The following RINT1 variants were observed in gnomAD, a reference collection of about 807,000 sequenced individuals.
The protein encoded by RINT1 is RAD50-interacting protein 1.
In RINT1, 75 loss-of-function variants were observed where a neutral mutation model predicts 97.7. That is an observed-to-expected ratio of 0.77 (90% CI 0.64 to 0.93). The LOEUF (loss-of-function observed/expected upper bound fraction) is 0.93. RINT1 is among the 40% of genes least tolerant of loss of function. The pLI is 0.00. For synonymous variants in RINT1, 303 were observed against 326.3 expected, an observed-to-expected ratio of 0.93 and a Z score of 0.77; for missense variants, 892 against 925.2, an observed-to-expected ratio of 0.96 and a Z score of 0.47.
At position 105,550,347 on chromosome 7, in the gene RINT1, C is replaced by A. The variant is rs775572395; in HGVS notation, c.1194C>A (p.Phe398Leu). 4 of 1,613,930 alleles carry A rather than the reference C, an allele frequency of 2.5e-6. No individual in the cohort carries two copies. Among genetic ancestry groups the A allele is most frequent in the Non-Finnish European group, 3.4e-6 (4 of 1,179,892 alleles). ...GTCTGCTATATGATGACAATCTCTT[C>A]TGTCATTTGGTGGATGAAGTACTCT... ...IPCLLYDDNL[F>L]CHLVDEVLLF... The change falls in exon 9 of 15, where the codon TTC becomes TTA. Residue 398 changes from phenylalanine to leucine, a missense_variant. Transcript: ENST00000257700.
At chr7:105,554,756 T>G (rs1791100475) in intron 10 of RINT1, among the ~76,000 whole-genome samples, 1 of 152,218 alleles carries the variant, frequency 6.6e-6, no homozygotes, top group African/African-American at 2.4e-5. Context: ...GTCATTTTTA[T>G]GTATAATTTT....
intron 3 of RINT1, among the ~76,000 whole-genome samples, chr7:105,537,476 G>A (rs1363590395): frequency 6.6e-6 from 1 of 151,914 alleles, no homozygotes; most frequent in East Asian, 1.9e-4. Flanking sequence ...AGTATAAAGT[G>A]AAAAGAAGTA....
At chr7:105,536,294 G>A (rs1790229395) in intron 2 of RINT1, among the ~76,000 whole-genome samples, 1 of 152,116 alleles carries the variant, frequency 6.6e-6, no homozygotes, top group African/African-American at 2.4e-5. Flanking sequence ...GAATAGCTGG[G>A]ACTACAGGCC....
At chr7:105,560,230 C>T (rs1791379795) in intron 11 of RINT1, among the ~76,000 whole-genome samples, 1 of 152,138 alleles carries the variant, frequency 6.6e-6, no homozygotes, top group African/African-American at 2.4e-5. Context: ...ACCAAGGTGC[C>T]TCTCATATGT....
intron 3 of RINT1, among the ~76,000 whole-genome samples, chr7:105,537,764 A>G (rs886560384): frequency 1.3e-4 from 20 of 151,674 alleles, no homozygotes; most frequent in Admixed American, 1.2e-3. Context: ...TGAACCCAGG[A>G]GGCGGAGTTT....
intron 4 of RINT1, among the ~76,000 whole-genome samples, chr7:105,542,917 G>A (rs950541231): frequency 1.3e-5 from 2 of 150,282 alleles, no homozygotes; most frequent in Non-Finnish European, 3.0e-5. Flanking sequence ...ATGGAGTCTC[G>A]CTCTGTCGCC....
chr7:105,558,193 G>T (rs966374915), intron 11 of RINT1, among the ~76,000 whole-genome samples: 42 of 151,566 alleles, frequency 2.8e-4, no homozygotes, highest in African/African-American at 9.2e-4. Context: ...TACTCAGGAG[G>T]CTGAGGCAGA....
At chr7:105,552,140 T>A (rs1193104233) in intron 10 of RINT1, among the ~76,000 whole-genome samples, 2 of 152,210 alleles carry the variant, frequency 1.3e-5, no homozygotes, top group Non-Finnish European at 2.9e-5. Context: ...ATTCAGTTTC[T>A]ATATTGGTAG....
chr7:105,554,258 C>T (rs976684970), intron 10 of RINT1, among the ~76,000 whole-genome samples: 3 of 151,818 alleles, frequency 2.0e-5, no homozygotes, highest in Non-Finnish European at 4.4e-5. Context: ...TGGTCTTGAT[C>T]TCCTGACCTC....
rs139600998 is a variant in RINT1 at position 105,539,880 on chromosome 7, T to C, written c.274-2528T>C. Among the ~76,000 whole-genome samples, 1,442 of 152,300 alleles carry C rather than the reference T, an allele frequency of 9.5e-3. 16 individuals carry two copies. The highest frequency in any genetic ancestry group is 0.033 in the African/African-American group (1,388 of 41,554). ...AAATTATTTGCTTACAACACTCTTA[T>C]ATACCAAAGTGACCTGAAGGACGGA... On this transcript the variant is annotated intron_variant, in intron 3 of 14. Transcript: ENST00000257700.
chr7:105,536,487 C>G (rs1562839595), intron 2 of RINT1, 78 bp from the exon 3 acceptor site: 1 of 1,079,774 alleles, frequency 9.3e-7, no homozygotes, highest in Admixed American at 2.6e-5. Context: ...GGCAGATAAA[C>G]TGCTTTTATA....
At position 105,567,420 on chromosome 7, in the gene RINT1, T is replaced by A; in HGVS notation, c.*109T>A. The A allele has an allele frequency of 1.3e-6, 1 of 777,724 alleles. No homozygotes were observed. Among genetic ancestry groups the A allele is most frequent in the Non-Finnish European group, 2.2e-6 (1 of 460,776 alleles). 48.2% of individuals were successfully genotyped at this position (777,724 alleles called of 1,614,324 possible). On this transcript the variant is annotated 3_prime_UTR_variant, in exon 15 of 15. Transcript: ENST00000257700. ...GAATTAATGAAACTGGAAAACTTTA[T>A]AGAATTACTTATTATCTTGGATTTA...
Position 105,555,128 on chromosome 7 carries a change from G to C in RINT1, c.1572G>C (p.Met524Ile). The C allele has an allele frequency of 6.2e-7, 1 of 1,614,044 alleles. No individual in the cohort carries two copies. The highest frequency in any genetic ancestry group is 8.5e-7 in the Non-Finnish European group (1 of 1,179,978). The change falls in exon 11 of 15, where the codon ATG becomes ATC. Residue 524 changes from methionine (M) to isoleucine (I), a missense_variant. Transcript: ENST00000257700. Reference protein sequence around the residue: ...DDFRIRLTQVMKEETRASLGF... With the variant: ...DDFRIRLTQVIKEETRASLGF... ...TTAGGATACGATTAACACAAGTGAT[G>C]AAAGAAGAGACTAGAGCTTCCCTTG...
At position 105,555,195 on chromosome 7, in the gene RINT1, T is replaced by G; in HGVS notation, c.1639T>G (p.Ser547Ala). 1 of 1,614,040 alleles carries G rather than the reference T, an allele frequency of 6.2e-7. No individual in the cohort carries two copies. Among genetic ancestry groups the G allele is most frequent in the Non-Finnish European group, 8.5e-7 (1 of 1,179,992 alleles). The stretch of plus-strand genomic sequence containing the variant: ...AATTCTTAATGCTGTGAACTACATC[T>G]CAACAGTACTAGCAGATTGGGCTGA... Reference protein sequence around the residue: ...CAILNAVNYISTVLADWADNV... With the variant: ...CAILNAVNYIATVLADWADNV... The change falls in exon 11 of 15, where the codon TCA (serine) becomes GCA (alanine). Residue 547 changes from serine (S) to alanine (A), a missense_variant. Coordinates refer to ENST00000257700, the MANE Select transcript of RINT1 (RefSeq NM_021930.6).
At chr7:105,542,275 C>T in intron 3 of RINT1, 133 bp from the exon 4 acceptor site, 7 of 656,848 alleles carry the variant, frequency 1.1e-5, no homozygotes, top group Non-Finnish European at 1.8e-5. Context: ...GTCCAGGCTG[C>T]AGTGAGCTAT....
intron 10 of RINT1, among the ~76,000 whole-genome samples, chr7:105,554,441 CT>C (rs371511372): frequency 0.084 from 11,773 of 140,638 alleles, 434 homozygotes; most frequent in East Asian, 0.13. Context: ...TTTTTTCTTT[CT>C]TTTTTTTTTT....
intron 1 of RINT1, 36 bp from the exon 2 acceptor site, chr7:105,532,788 A>T (rs1562837008): frequency 1.9e-6 from 3 of 1,612,448 alleles, no homozygotes; most frequent in Non-Finnish European, 2.5e-6. Context: ...CACGACTTTA[A>T]TCTTAATGTG....
At chr7:105,563,491 C>T (rs1586266151) in intron 11 of RINT1, among the ~76,000 whole-genome samples, 1 of 152,140 alleles carries the variant, frequency 6.6e-6, no homozygotes, top group South Asian at 2.1e-4. Context: ...GCCACCACAC[C>T]CGGCTTATTT....
rs982350114 is a variant in RINT1 at position 105,540,501 on chromosome 7, A to G, written c.274-1907A>G. Among the ~76,000 whole-genome samples, 3 of 152,108 alleles carry G rather than the reference A, an allele frequency of 2.0e-5. No individual in the cohort carries two copies. In the East Asian group the frequency reaches 5.8e-4, roughly 29 times the overall value. On this transcript the variant is annotated intron_variant, in intron 3 of 14. Transcript: ENST00000257700. Reference sequence around the variant, plus strand: ...GGTCTCAAACTCCTTACCTCAAGTGATCCACCAGCTTCTGCCTCCCAAAGT... The same window carrying G: ...GGTCTCAAACTCCTTACCTCAAGTGGTCCACCAGCTTCTGCCTCCCAAAGT...
Sources: allele counts gnomAD v4.1 joint callset (sites outside exome capture counted in the v4.1 genomes callset), GRCh38; gene constraint gnomAD v4.1.1; transcripts MANE v1.5; gene names NCBI Gene and HGNC (gene_info 2026-07-23, HGNC 2026-07-21).